Variants in CCSER1 observed in about 807,000 individuals in gnomAD.
CCSER1 encodes the protein coiled-coil serine rich protein 1, also known as serine-rich coiled-coil domain-containing protein 1.
Under a neutral mutation model 82.0 loss-of-function variants are expected in CCSER1, and 41 were observed. The observed-to-expected ratio is 0.50, with a 90% CI of 0.39 to 0.65. The LOEUF is 0.65. Ranked by LOEUF, CCSER1 falls within the 30% of genes least tolerant of loss-of-function variation. The pLI, the probability that CCSER1 is intolerant of heterozygous loss-of-function variation, is 0.00. For missense variants in CCSER1, 1,119 were observed against 1,064.2 expected, an observed-to-expected ratio of 1.05 and a Z score of -0.72; for synonymous variants, 414 against 383.9, an observed-to-expected ratio of 1.08 and a Z score of -0.92.
intron 9 of CCSER1, among the ~76,000 whole-genome samples, chr4:90,961,192 C>T (rs1734020765): frequency 6.6e-6 from 1 of 152,162 alleles, no homozygotes; most frequent in Non-Finnish European, 1.5e-5. Context: ...TCATGCGTTC[C>T]TTATTTAGAG....
At chr4:90,900,289 A>G (rs1258188596) in intron 8 of CCSER1, among the ~76,000 whole-genome samples, 3 of 151,644 alleles carry the variant, frequency 2.0e-5, no homozygotes, top group African/African-American at 7.3e-5. Context: ...AACGTATTGT[A>G]TTTCTGTGGT....
intron 7 of CCSER1, among the ~76,000 whole-genome samples, chr4:90,791,816 T>C (rs1023684303): frequency 3.0e-5 from 4 of 134,536 alleles, no homozygotes; most frequent in African/African-American, 1.0e-4. Flanking sequence ...AGCGAGACTG[T>C]CTCAAAAAAA....
intron 5 of CCSER1, among the ~76,000 whole-genome samples, chr4:90,485,422 G>T (rs1057225755): frequency 7.2e-5 from 11 of 151,950 alleles, no homozygotes; most frequent in African/African-American, 2.4e-4. Context: ...GATGAACCTG[G>T]TACCTCACTT....
intron 1 of CCSER1, among the ~76,000 whole-genome samples, chr4:90,141,952 G>T (rs1397036403): frequency 6.6e-6 from 1 of 152,164 alleles, no homozygotes; most frequent in East Asian, 1.9e-4. Context: ...CTTTGCAAAG[G>T]TGATTCAATA....
intron 10 of CCSER1, among the ~76,000 whole-genome samples, chr4:91,426,367 T>C (rs1278063258): frequency 3.3e-5 from 5 of 152,206 alleles, no homozygotes; most frequent in African/African-American, 1.2e-4. Context: ...TATGTCTTTA[T>C]AGTAGATTGA....
intron 4 of CCSER1, among the ~76,000 whole-genome samples, chr4:90,405,116 A>T (rs1293700610): frequency 6.6e-6 from 1 of 152,064 alleles, no homozygotes; most frequent in African/African-American, 2.4e-5. Context: ...AAAAAACATG[A>T]TACAGGATAT....
chr4:90,768,936 CAAAT>C (rs1264790708), intron 7 of CCSER1, among the ~76,000 whole-genome samples: 3 of 152,202 alleles, frequency 2.0e-5, no homozygotes, highest in Non-Finnish European at 4.4e-5. Flanking sequence ...CTCTAGAAAT[CAAAT>C]AATGCTAAAT....
intron 9 of CCSER1, among the ~76,000 whole-genome samples, chr4:90,972,680 G>A (rs1216739215): frequency 6.6e-6 from 1 of 151,580 alleles, no homozygotes; most frequent in Non-Finnish European, 1.5e-5. Context: ...AATTCATATG[G>A]AATCATAACA....
At chr4:90,131,885 A>T (rs778640214) in intron 1 of CCSER1, among the ~76,000 whole-genome samples, 43 of 152,162 alleles carry the variant, frequency 2.8e-4, no homozygotes, top group Non-Finnish European at 5.4e-4. Flanking sequence ...TTTTAGACAA[A>T]CTGCTTAAAA....
intron 10 of CCSER1, among the ~76,000 whole-genome samples, chr4:91,457,608 T>C (rs1756261786): frequency 6.6e-6 from 1 of 152,150 alleles, no homozygotes; most frequent in South Asian, 2.1e-4. Flanking sequence ...AGGTCGAGGC[T>C]GAAGTGAGCT....
intron 8 of CCSER1, among the ~76,000 whole-genome samples, chr4:90,912,642 G>A (rs777630416): frequency 2.6e-5 from 4 of 152,186 alleles, no homozygotes; most frequent in Non-Finnish European, 5.9e-5. Context: ...GACGGAGAAC[G>A]ACATTGACGA....
intron 9 of CCSER1, among the ~76,000 whole-genome samples, chr4:90,961,971 A>T (rs897812474): frequency 7.2e-5 from 11 of 152,110 alleles, no homozygotes; most frequent in Non-Finnish European, 1.6e-4. Flanking sequence ...ACATTTCAGG[A>T]AAACAAAAAC....
At chr4:90,949,869 T>G (rs1732701098) in intron 9 of CCSER1, among the ~76,000 whole-genome samples, 1 of 152,122 alleles carries the variant, frequency 6.6e-6, no homozygotes, top group Non-Finnish European at 1.5e-5. Context: ...TAGCAGACTC[T>G]AGAATTATCC....
At chr4:91,181,790 A>G (rs1431647668) in intron 10 of CCSER1, among the ~76,000 whole-genome samples, 2 of 152,206 alleles carry the variant, frequency 1.3e-5, no homozygotes, top group African/African-American at 4.8e-5. Flanking sequence ...AAGCCTGTTT[A>G]CAAATAGGTT....
intron 5 of CCSER1, among the ~76,000 whole-genome samples, chr4:90,569,182 TATGTAA>T (rs1391628988): frequency 1.3e-5 from 2 of 152,232 alleles, no homozygotes; most frequent in African/African-American, 4.8e-5. Context: ...TATAACTGGT[TATGTAA>T]AGCTGATAAC....
At chr4:91,507,025 A>AT (rs1360858572) in intron 10 of CCSER1, among the ~76,000 whole-genome samples, 23 of 152,192 alleles carry the variant, frequency 1.5e-4, no homozygotes, top group Admixed American at 2.6e-4. Flanking sequence ...TTTATGTATC[A>AT]TTACTCAGTT....
chr4:91,160,411 G>A, intron 10 of CCSER1, among the ~76,000 whole-genome samples: 1 of 152,074 alleles, frequency 6.6e-6, no homozygotes. Flanking sequence ...GTATATACCA[G>A]GCAATGACAT....
chr4:90,436,821 T>C (rs1200837916), intron 4 of CCSER1, among the ~76,000 whole-genome samples: 1 of 151,960 alleles, frequency 6.6e-6, no homozygotes, highest in Non-Finnish European at 1.5e-5. Flanking sequence ...TTTTTTTTTT[T>C]TTTGAGACGG....
At position 91,006,590 on chromosome 4, in the gene CCSER1, C is replaced by T. The variant is rs970052787; in HGVS notation, c.2173-79360C>T. Among the ~76,000 whole-genome samples, 26 of 151,584 alleles carry T rather than the reference C, an allele frequency of 1.7e-4. No homozygotes were observed. In the South Asian group the frequency reaches 1.9e-3, roughly 11 times the overall value. On this transcript the variant is annotated intron_variant, in intron 9 of 10. Coordinates refer to ENST00000509176, the MANE Select transcript of CCSER1 (RefSeq NM_001145065.2). ...CTGCAAGCTCTGCCTCCCAGGTTCA[C>T]ACCATTCTCCTGCCTCAGCCTCCCG... is the stretch of plus-strand genomic sequence containing the variant.
Sources: gnomAD v4.1 joint callset for allele counts (sites outside exome capture counted in the v4.1 genomes callset) on GRCh38, gnomAD v4.1.1 for gene constraint, MANE v1.5 for transcripts, NCBI Gene and HGNC (gene_info 2026-07-23, HGNC 2026-07-21) for gene names.